The following RYR2 variants were observed in gnomAD, a reference collection of about 807,000 sequenced individuals.
The protein encoded by RYR2 is ryanodine receptor 2.
A neutral mutation model predicts 601.1 loss-of-function variants in RYR2; 227 were observed. That is an observed-to-expected ratio of 0.38 (90% confidence interval 0.34 to 0.42). RYR2 has a LOEUF of 0.42. Among genes scored for constraint, RYR2 ranks in the 10% least tolerant of loss-of-function variants. RYR2 has a pLI of 1.00. For missense variants in RYR2, 4,646 were observed against 6,156.5 expected, an observed-to-expected ratio of 0.75 and a Z score of 8.21; for synonymous variants, 2,223 against 2,175.1, an observed-to-expected ratio of 1.02 and a Z score of -0.61.
chr1:237,822,784 C>A (rs1369513838), intron 101 of RYR2, among the ~76,000 whole-genome samples: 1 of 152,130 alleles, frequency 6.6e-6, no homozygotes, highest in African/African-American at 2.4e-5. Flanking sequence ...GCAGGAGACC[C>A]ATCTCATGTG....
chr1:237,327,160 T>C (rs1409491953), intron 2 of RYR2, among the ~76,000 whole-genome samples: 1 of 152,234 alleles, frequency 6.6e-6, no homozygotes, highest in East Asian at 1.9e-4. Context: ...CACTATTTTT[T>C]TTTTTAACTG....
chr1:237,546,662 T>C (rs558176827), intron 25 of RYR2, among the ~76,000 whole-genome samples: 1 of 152,158 alleles, frequency 6.6e-6, no homozygotes, highest in Non-Finnish European at 1.5e-5. Flanking sequence ...ATTATAGAAG[T>C]GAGCTACCAA....
At chr1:237,769,431 C>T (rs910616505) in intron 84 of RYR2, among the ~76,000 whole-genome samples, 2 of 152,284 alleles carry the variant, frequency 1.3e-5, no homozygotes, top group South Asian at 2.1e-4. Context: ...AAACTTGCCA[C>T]GTCTGATTTG....
chr1:237,253,184 A>C (rs1299283012), intron 1 of RYR2, among the ~76,000 whole-genome samples: 4 of 150,094 alleles, frequency 2.7e-5, no homozygotes, highest in Non-Finnish European at 5.9e-5. Flanking sequence ...AAAAAAAACA[A>C]CAACAAAAAG....
chr1:237,294,311 T>C (rs188020721), intron 2 of RYR2, among the ~76,000 whole-genome samples: 144 of 152,232 alleles, frequency 9.5e-4, no homozygotes, highest in Middle Eastern at 6.8e-3. Flanking sequence ...TTTTCTAATT[T>C]TCCTAGACAC....
In RYR2 at chr1:237,589,787, TCCC is replaced by T; in HGVS notation, c.3599-5_3599-3del. The T allele has an allele frequency of 6.2e-7, 1 of 1,612,944 alleles. No individual in the cohort carries two copies. Among genetic ancestry groups the T allele is most frequent in the Admixed American group, 1.7e-5 (1 of 59,826 alleles). On this transcript the variant is annotated splice_polypyrimidine_tract_variant and splice_region_variant and intron_variant, in intron 29 of 104. Coordinates refer to ENST00000366574, the MANE Select transcript of RYR2 (RefSeq NM_001035.3). ...TACTAAAACTTGATTTTTTTTTTCT[TCCC>T]AGGATTCATACCTGTGTGTAGCCTT...
chr1:237,758,066 A>G (rs1046248437), intron 82 of RYR2, among the ~76,000 whole-genome samples: 27 of 152,310 alleles, frequency 1.8e-4, no homozygotes, highest in African/African-American at 6.5e-4. Flanking sequence ...GCGTTTACCA[A>G]ACTGTGGCTC....
intron 84 of RYR2, among the ~76,000 whole-genome samples, chr1:237,764,240 A>C (rs1290107362): frequency 6.6e-6 from 1 of 152,124 alleles, no homozygotes; most frequent in African/African-American, 2.4e-5. Context: ...AGGTTTCTTG[A>C]CTTGTCCAAG....
chr1:237,650,575 C>T (rs1682631194), intron 50 of RYR2, among the ~76,000 whole-genome samples: 1 of 152,202 alleles, frequency 6.6e-6, no homozygotes, highest in Non-Finnish European at 1.5e-5. Flanking sequence ...ACCTGGAAAA[C>T]CATTTCCTAT....
intron 5 of RYR2, among the ~76,000 whole-genome samples, chr1:237,368,838 T>TATTA (rs1553422704): frequency 1.3e-5 from 2 of 150,980 alleles, no homozygotes; most frequent in African/African-American, 2.5e-5. Context: ...TTTATTTATT[T>TATTA]ATTAAGATAG....
intron 11 of RYR2, among the ~76,000 whole-genome samples, chr1:237,421,417 G>A (rs756362488): frequency 4.6e-5 from 7 of 152,042 alleles, no homozygotes; most frequent in Non-Finnish European, 8.8e-5. Flanking sequence ...AGACAATACC[G>A]TGTTATCTGG....
intron 63 of RYR2, among the ~76,000 whole-genome samples, chr1:237,697,332 A>G (rs6675150): frequency 0.12 from 16,211 of 140,812 alleles, 1,805 homozygotes; most frequent in African/African-American, 0.29. Flanking sequence ...GTGTGTGTGT[A>G]TATATATATA....
chr1:237,574,285 C>T (rs2148317956), intron 29 of RYR2, among the ~76,000 whole-genome samples: 1 of 152,298 alleles, frequency 6.6e-6, no homozygotes, highest in Admixed American at 6.5e-5. Context: ...GAATTCTTGT[C>T]TCTTCTCACC....
chr1:237,465,796 C>G (rs904668340), intron 16 of RYR2, among the ~76,000 whole-genome samples: 9 of 152,184 alleles, frequency 5.9e-5, no homozygotes, highest in African/African-American at 2.2e-4. Flanking sequence ...AGCAAATTAC[C>G]ATACTGAATA....
chr1:237,625,467 AAGAG>A (rs534367925), intron 39 of RYR2, among the ~76,000 whole-genome samples, 190 bp from the exon 40 acceptor site: 132 of 152,320 alleles, frequency 8.7e-4, no homozygotes, highest in African/African-American at 2.9e-3. Flanking sequence ...ATAGAACAAA[AAGAG>A]AGAGGAAGAA....
intron 1 of RYR2, among the ~76,000 whole-genome samples, chr1:237,045,205 C>T (rs1660427816): frequency 6.6e-6 from 1 of 152,182 alleles, no homozygotes; most frequent in Non-Finnish European, 1.5e-5. Flanking sequence ...CACCCCAGCA[C>T]ATTGAGGCAT....
chr1:237,279,088 A>C (rs1690589408), intron 2 of RYR2, among the ~76,000 whole-genome samples: 1 of 152,228 alleles, frequency 6.6e-6, no homozygotes, highest in Admixed American at 6.5e-5. Flanking sequence ...GAATAACTTT[A>C]ATCCACTGAA....
At chr1:237,780,610 T>G (rs1445239603) in intron 88 of RYR2, among the ~76,000 whole-genome samples, 1 of 152,214 alleles carries the variant, frequency 6.6e-6, no homozygotes, top group African/African-American at 2.4e-5. Flanking sequence ...CGTAGTGATG[T>G]TTAGACACAA....
intron 16 of RYR2, among the ~76,000 whole-genome samples, chr1:237,466,050 T>C (rs1660052429): frequency 6.6e-6 from 1 of 152,198 alleles, no homozygotes; most frequent in Non-Finnish European, 1.5e-5. Context: ...TGTTTTCCCT[T>C]CTATTGCATC....
Sources: allele counts gnomAD v4.1 joint callset (sites outside exome capture counted in the v4.1 genomes callset), GRCh38; gene constraint gnomAD v4.1.1; transcripts MANE v1.5; gene names NCBI Gene and HGNC (gene_info 2026-07-23, HGNC 2026-07-21).